GNPTAB: variants seen among roughly 807,000 people sequenced by gnomAD.
GNPTAB encodes the protein N-acetylglucosamine-1-phosphotransferase subunits alpha/beta.
A neutral mutation model predicts 136.6 loss-of-function variants in GNPTAB; 92 were observed. The observed-to-expected ratio is 0.67, with a 90% CI of 0.57 to 0.80. GNPTAB has a LOEUF of 0.80. Ranked by LOEUF, GNPTAB falls within the 30% of genes least tolerant of loss-of-function variation. The pLI is 0.00. For missense variants in GNPTAB, 1,343 were observed against 1,501.8 expected (o/e 0.89, Z 1.75); for synonymous variants, 512 against 535.1 (o/e 0.96, Z 0.60).
intron 19 of GNPTAB, 22 bp from the exon 20 acceptor site, chr12:101,749,213 A>C: frequency 7.2e-7 from 1 of 1,379,478 alleles, no homozygotes; most frequent in Non-Finnish European, 1.0e-6. Context: ...GAAGAAAGCA[A>C]CTATGTACTT....
rs1869318987 is a variant in GNPTAB at position 101,796,779 on chromosome 12, G to T, written c.118-17C>A. The stretch of plus-strand genomic sequence containing the variant: ...CAGAACCACCTAGAACAAAGAAAAA[G>T]AAACGTTTTCTTCGCATCAAAGACT... On this transcript the variant is annotated splice_polypyrimidine_tract_variant and intron_variant, in intron 1 of 20. Transcript: ENST00000299314. 1 of 1,555,314 alleles carries T rather than the reference G, an allele frequency of 6.4e-7. No individual in the cohort carries two copies. Among genetic ancestry groups the T allele is most frequent in the Admixed American group, 1.7e-5 (1 of 57,582 alleles).
chr12:101,817,008 G>A lies in GNPTAB; in HGVS notation c.117+13551C>T, dbSNP rs189112252. ...GAGCTAAAAAACTGATCTCATGGAG[G>A]TAGAGAATAGAATGGTGGTTGCCAG... On this transcript the variant is annotated intron_variant, in intron 1 of 20. Coordinates refer to ENST00000299314, the MANE Select transcript of GNPTAB (RefSeq NM_024312.5). 1.2e-3 allele frequency among the ~76,000 whole-genome samples: 186 copies of A among 152,296 alleles called. 2 individuals are homozygous for A. Among genetic ancestry groups the A allele is most frequent in the African/African-American group, 4.1e-3 (171 of 41,578 alleles).
intron 1 of GNPTAB, among the ~76,000 whole-genome samples, chr12:101,800,897 T>G (rs1396449156): frequency 6.6e-6 from 1 of 151,978 alleles, no homozygotes; most frequent in Non-Finnish European, 1.5e-5. Context: ...ATCCTAAAAT[T>G]GCCTCTCTAC....
intron 15 of GNPTAB, 132 bp downstream of exon 15, chr12:101,760,995 G>A (rs915881458): frequency 5.7e-6 from 4 of 699,540 alleles, no homozygotes; most frequent in Admixed American, 2.1e-5. Context: ...TGCCCAGGTT[G>A]GTCTCGAACT....
Position 101,753,553 on chromosome 12 carries a change from G to C in GNPTAB, c.3435-14C>G, listed in dbSNP as rs778500065. On this transcript the variant is annotated splice_polypyrimidine_tract_variant and intron_variant, in intron 18 of 20. Coordinates refer to ENST00000299314, the MANE Select transcript of GNPTAB (RefSeq NM_024312.5). ...CAAACAAACTTCCTGAAATAACAGA[G>C]AGCCAGGGTTATTAGTTACATATGG... is the stretch of plus-strand genomic sequence containing the variant. 6 of 1,608,622 alleles carry C rather than the reference G, an allele frequency of 3.7e-6. No individual in the cohort carries two copies. Among genetic ancestry groups the C allele is most frequent in the East Asian group, 2.2e-5 (1 of 44,836 alleles).
intron 2 of GNPTAB, among the ~76,000 whole-genome samples, chr12:101,793,744 A>G (rs906668901): frequency 1.3e-5 from 2 of 152,246 alleles, no homozygotes; most frequent in Admixed American, 6.5e-5. Flanking sequence ...GTTTAAGTGA[A>G]TATTAAAGCC....
At chr12:101,753,107 A>G (rs1952844041) in intron 19 of GNPTAB, among the ~76,000 whole-genome samples, 1 of 152,102 alleles carries the variant, frequency 6.6e-6, no homozygotes, top group Admixed American at 6.5e-5. Context: ...ACAAAAAATT[A>G]GCTGGGCTTC....
intron 12 of GNPTAB, chr12:101,765,537 T>A (rs1490089176): frequency 1.9e-6 from 1 of 533,530 alleles, no homozygotes; most frequent in Non-Finnish European, 3.3e-6. Context: ...AGAGTGACTT[T>A]AATTTCAAAA....
chr12:101,796,254 C>T (rs781278676), intron 2 of GNPTAB: 1 of 702,474 alleles, frequency 1.4e-6, no homozygotes, highest in South Asian at 1.5e-5. Flanking sequence ...TTCCCTTTAC[C>T]TCACAGACCT....
Position 101,757,632 on chromosome 12 carries a change from G to A in GNPTAB, c.3275C>T (p.Thr1092Ile). ...NLPPVTKSLV[T>I]NCKPVTDKIH... ...TTTGTCAGTTACTGGTTTACAGTTTGTTACTAGACTTTTAGTGACCGGTGG... is the reference window on the plus strand; with the variant it reads ...TTTGTCAGTTACTGGTTTACAGTTTATTACTAGACTTTTAGTGACCGGTGG... The change falls in exon 17 of 21, where the codon ACA (threonine) becomes ATA (isoleucine). Residue 1092 changes from threonine (T) to isoleucine (I), a missense_variant. Thr to Ile is a moderately conservative substitution (Grantham distance 89). Coordinates refer to ENST00000299314, the MANE Select transcript of GNPTAB (RefSeq NM_024312.5). 6.3e-7 allele frequency: 1 copy of A among 1,583,766 alleles called. No individual in the cohort carries two copies. The highest frequency in any genetic ancestry group is 1.7e-4 in the Middle Eastern group (1 of 5,992).
intron 1 of GNPTAB, among the ~76,000 whole-genome samples, chr12:101,814,529 T>C (rs1352061727): frequency 6.6e-6 from 1 of 151,956 alleles, no homozygotes; most frequent in East Asian, 1.9e-4. Flanking sequence ...AAACCCTGTC[T>C]CTACTGAAAA....
chr12:101,786,203 TCTAA>T lies in GNPTAB; in HGVS notation c.376_379del (p.Leu126SerfsTer4). The T allele has an allele frequency of 1.2e-6, 2 of 1,612,612 alleles. No individual in the cohort carries two copies. The highest frequency in any genetic ancestry group is 2.2e-5 in the South Asian group (2 of 90,914). On this transcript the variant is annotated frameshift_variant, in exon 5 of 21. Coordinates refer to ENST00000299314, the MANE Select transcript of GNPTAB (RefSeq NM_024312.5). LOFTEE classifies it high-confidence loss of function. ...CTTAATGCAGTGTGTTAGCAAACAC[TCTAA>T]CTGCTTCTCACTGGAAAGAAACACC... is the stretch of plus-strand genomic sequence containing the variant.
intron 1 of GNPTAB, among the ~76,000 whole-genome samples, chr12:101,818,172 A>C (rs1870601847): frequency 6.6e-6 from 1 of 152,120 alleles, no homozygotes; most frequent in African/African-American, 2.4e-5. Flanking sequence ...TCTTTTCCTT[A>C]AGAAACAAAA....
chr12:101,820,697 A>G (rs1013882970), intron 1 of GNPTAB, among the ~76,000 whole-genome samples: 4 of 151,850 alleles, frequency 2.6e-5, no homozygotes, highest in Admixed American at 1.3e-4. Flanking sequence ...AGCTGACTTG[A>G]CCTCCTCTGT....
intron 1 of GNPTAB, among the ~76,000 whole-genome samples, chr12:101,801,231 CAAAAAAAAAAAAAAAA>C (rs35036983): frequency 1.6e-4 from 2 of 12,748 alleles, no homozygotes; most frequent in African/African-American, 3.2e-4. Context: ...GACCCTGTCT[CAAAAAAAAAAAAAAAA>C]AAAAAAAAAA....
At position 101,747,006 on chromosome 12, in the gene GNPTAB, T is replaced by C; in HGVS notation, c.*158A>G. The C allele has an allele frequency of 1.5e-6, 1 of 650,226 alleles. No homozygotes were observed. The highest frequency in any genetic ancestry group is 2.8e-5 in the East Asian group (1 of 35,804). 40.3% of individuals were successfully genotyped at this position (650,226 alleles called of 1,614,324 possible). A position where few individuals can be genotyped will look rare whatever the true frequency, so the allele number is the denominator to read the frequency against. On this transcript the variant is annotated 3_prime_UTR_variant, in exon 21 of 21. Transcript: ENST00000299314. Reference sequence around the variant, plus strand: ...AGTGGGTTGGTTAAATAATTCCTGGTCAGTGGGCTATATTCATGCCACAAA... The same window carrying C: ...AGTGGGTTGGTTAAATAATTCCTGGCCAGTGGGCTATATTCATGCCACAAA...
At chr12:101,785,804 A>G in intron 5 of GNPTAB, 1 of 556,366 alleles carries the variant, frequency 1.8e-6, no homozygotes, top group Non-Finnish European at 3.2e-6. Context: ...ACAGAAAGGT[A>G]TGTGTATTAC....
chr12:101,786,212 T>C lies in GNPTAB; in HGVS notation c.371A>G (p.Lys124Arg), dbSNP rs1169625130. The stretch of plus-strand genomic sequence containing the variant: ...GTGTGTTAGCAAACACTCTAACTGC[T>C]TCTCACTGGAAAGAAACACCAACAT... ...NTTEPTKKSE[K>R]QLECLLTHCI... The change falls in exon 5 of 21, where the codon AAG becomes AGG. Residue 124 changes from lysine to arginine, a missense_variant. Physicochemically the swap from Lys to Arg is conservative, Grantham distance 26 (BLOSUM62 2). Coordinates refer to ENST00000299314, the MANE Select transcript of GNPTAB (RefSeq NM_024312.5). 1 of 1,611,806 alleles carries C rather than the reference T, an allele frequency of 6.2e-7. No homozygotes were observed. Among genetic ancestry groups the C allele is most frequent in the Admixed American group, 1.7e-5 (1 of 59,798 alleles).
chr12:101,816,543 A>T (rs1054623126), intron 1 of GNPTAB, among the ~76,000 whole-genome samples: 14 of 152,224 alleles, frequency 9.2e-5, no homozygotes, highest in African/African-American at 3.1e-4. Flanking sequence ...GACAGAAAAT[A>T]AGAAATGCTA....
Sources: allele counts gnomAD v4.1 joint callset (sites outside exome capture counted in the v4.1 genomes callset), GRCh38; gene constraint gnomAD v4.1.1; transcripts MANE v1.5; gene names NCBI Gene and HGNC (gene_info 2026-07-23, HGNC 2026-07-21).